The following ANKS3 variants were observed in gnomAD, a reference collection of about 807,000 sequenced individuals.
The protein encoded by ANKS3 is ankyrin repeat and SAM domain-containing protein 3.
A neutral mutation model predicts 80.7 loss-of-function variants in ANKS3; 62 were observed. The ratio of observed to expected loss-of-function variants is 0.77; its 90% CI spans 0.63 to 0.95. The LOEUF is 0.95. Among genes scored for constraint, ANKS3 ranks in the 40% least tolerant of loss-of-function variants. The pLI, the probability that ANKS3 is intolerant of heterozygous loss-of-function variation, is 0.00. For synonymous variants in ANKS3, 489 were observed against 355.3 expected (o/e 1.38, Z -4.23); for missense variants, 1,150 against 883.6 (o/e 1.30, Z -3.82).
chr16:4,714,620 A>G (rs2080683735), intron 6 of ANKS3, among the ~76,000 whole-genome samples: 1 of 152,272 alleles, frequency 6.6e-6, no homozygotes, highest in Admixed American at 6.5e-5. Flanking sequence ...ATGTATTTAC[A>G]GGTCTTGCAG....
intron 9 of ANKS3, chr16:4,701,864 T>A (rs1185740994): frequency 1.4e-5 from 7 of 513,552 alleles, no homozygotes; most frequent in Admixed American, 3.7e-5. Context: ...CCTCAGGGGC[T>A]CCCAAGCAAG....
At chr16:4,709,435 GA>G (rs2080371839) in intron 7 of ANKS3, among the ~76,000 whole-genome samples, 1 of 151,040 alleles carries the variant, frequency 6.6e-6, no homozygotes, top group Non-Finnish European at 1.5e-5. Flanking sequence ...AAAAATATAA[GA>G]AATGAGATCC....
chr16:4,706,460 C>A (rs765446111), intron 7 of ANKS3, among the ~76,000 whole-genome samples: 3 of 152,162 alleles, frequency 2.0e-5, no homozygotes, highest in Admixed American at 6.5e-5. Flanking sequence ...TGGTCTCGAT[C>A]TCCTGACCTT....
At chr16:4,713,029 G>T (rs560156335) in intron 7 of ANKS3, among the ~76,000 whole-genome samples, 12 of 152,266 alleles carry the variant, frequency 7.9e-5, no homozygotes, top group African/African-American at 2.9e-4. Context: ...CAGCACTTTG[G>T]GAGGCTGAGA....
chr16:4,708,457 A>G (rs994918382), intron 7 of ANKS3, among the ~76,000 whole-genome samples: 1 of 152,218 alleles, frequency 6.6e-6, no homozygotes, highest in African/African-American at 2.4e-5. Flanking sequence ...ATTTAGCAAC[A>G]AAAGGGCAAC....
At chr16:4,721,637 T>A (rs562237281) in intron 6 of ANKS3, among the ~76,000 whole-genome samples, 1 of 149,762 alleles carries the variant, frequency 6.7e-6, no homozygotes, top group Non-Finnish European at 1.5e-5. Context: ...TTTATTTATT[T>A]ATTTATTTAT....
chr16:4,732,573 T>G (rs2081682327), intron 1 of ANKS3, among the ~76,000 whole-genome samples: 1 of 149,342 alleles, frequency 6.7e-6, no homozygotes, highest in African/African-American at 2.5e-5. Flanking sequence ...GTCTCAGTAC[T>G]CAGGAGGCTG....
chr16:4,717,382 G>A (rs1403276715), intron 6 of ANKS3: 1 of 152,182 alleles, frequency 6.6e-6, no homozygotes, highest in Admixed American at 6.6e-5. Flanking sequence ...CTGGTCAGGA[G>A]TTTGAGACCA....
chr16:4,710,784 TA>T (rs2080443340), intron 7 of ANKS3, among the ~76,000 whole-genome samples: 1 of 152,160 alleles, frequency 6.6e-6, no homozygotes, highest in Non-Finnish European at 1.5e-5. Flanking sequence ...CAGAGTATTT[TA>T]TTTTGTTTTA....
intron 11 of ANKS3, chr16:4,699,996 T>C (rs2079810801): frequency 6.6e-6 from 1 of 152,458 alleles, no homozygotes; most frequent in Non-Finnish European, 1.5e-5. Context: ...CAGACTCCAC[T>C]CAACGTATGT....
intron 1 of ANKS3, among the ~76,000 whole-genome samples, chr16:4,732,814 C>G (rs2081717916): frequency 1.3e-5 from 2 of 151,674 alleles, no homozygotes; most frequent in African/African-American, 2.4e-5. Flanking sequence ...TCTGAAAATG[C>G]TAAGTATCTG....
chr16:4,730,077 C>T lies in ANKS3; in HGVS notation c.73G>A (p.Gly25Arg), dbSNP rs761059076. Residue 25 changes from glycine to arginine, a missense_variant, in exon 3 of 18, where the codon GGG (glycine) becomes AGG (arginine). Gly to Arg is a moderately radical substitution (Grantham distance 125). Transcript: ENST00000304283. Reference protein sequence around the residue: ...NRSLSMWHGLGTQVSGEELDV... With the variant: ...NRSLSMWHGLRTQVSGEELDV... ...AGCTCCTCCCCGCTGACCTGTGTCC[C>T]GAGCCCGTGCCACATGGACAAGCTG... The T allele has an allele frequency of 5.0e-6, 8 of 1,594,228 alleles. No homozygotes were observed. In the South Asian group the frequency reaches 5.6e-5, roughly 11 times the overall value.
chr16:4,713,287 T>G (rs116841919), intron 7 of ANKS3, among the ~76,000 whole-genome samples: 1,944 of 151,976 alleles, frequency 0.013, 21 homozygotes, highest in Non-Finnish European at 0.021. Flanking sequence ...AAACAAAAGT[T>G]TGCAGAAATC....
chr16:4,715,381 A>G (rs1359634550), intron 6 of ANKS3, among the ~76,000 whole-genome samples: 1 of 152,200 alleles, frequency 6.6e-6, no homozygotes, highest in Admixed American at 6.5e-5. Flanking sequence ...GGAGGCAGGG[A>G]AGCCAGAGCC....
At chr16:4,715,482 G>A (rs1297933966) in intron 6 of ANKS3, among the ~76,000 whole-genome samples, 2 of 152,168 alleles carry the variant, frequency 1.3e-5, no homozygotes, top group Non-Finnish European at 2.9e-5. Flanking sequence ...TGTAGTCCCA[G>A]CTACTCAGGA....
chr16:4,724,826 G>T lies in ANKS3; in HGVS notation c.497C>A (p.Pro166Gln). 6.2e-7 allele frequency: 1 copy of T among 1,613,820 alleles called. No individual in the cohort carries two copies. Among genetic ancestry groups the T allele is most frequent in the Non-Finnish European group, 8.5e-7 (1 of 1,179,890 alleles). The change falls in exon 6 of 18, where the codon CCG becomes CAG. Residue 166 changes from proline (P) to glutamine (Q), a missense_variant. By Grantham distance (76) the Pro-to-Gln change is moderately conservative (BLOSUM62 -1). Transcript: ENST00000304283. Reference sequence around the variant, plus strand: ...CATCAAGGGAGTAAATCCACATATCGGCTCCCTGCAAGATGTGGGCCACAG... The same window carrying T: ...CATCAAGGGAGTAAATCCACATATCTGCTCCCTGCAAGATGTGGGCCACAG... ...DSGANANVRE[P>Q]ICGFTPLMEA...
chr16:4,698,282 G>T, intron 14 of ANKS3, 145 bp downstream of exon 14: 1 of 1,248,198 alleles, frequency 8.0e-7, no homozygotes, highest in African/African-American at 1.5e-5. Flanking sequence ...AGGAAGGAAG[G>T]GCCTGATGAA....
At chr16:4,717,888 C>T (rs902999515) in intron 6 of ANKS3, among the ~76,000 whole-genome samples, 8 of 152,072 alleles carry the variant, frequency 5.3e-5, no homozygotes, top group South Asian at 4.2e-4. Context: ...CTCTGCCTTC[C>T]GGGTTCAAGT....
rs764814716 is a variant in ANKS3, at chr16:4,701,429, C to T, written c.1119+5G>A. On this transcript the variant is annotated splice_donor_5th_base_variant and intron_variant, in intron 10 of 17. Coordinates refer to ENST00000304283, the MANE Select transcript of ANKS3 (RefSeq NM_133450.4). ...ATGGGAGACCAAGAAAGAAAGAATC[C>T]GTACCTCGTTGCTCTCCACAGAAGC... 13 of 1,590,138 alleles carry T rather than the reference C, an allele frequency of 8.2e-6. No homozygotes were observed. Among genetic ancestry groups the T allele is most frequent in the African/African-American group, 5.4e-5 (4 of 74,008 alleles).
Sources: gnomAD v4.1 joint callset for allele counts (sites outside exome capture counted in the v4.1 genomes callset) on GRCh38, gnomAD v4.1.1 for gene constraint, MANE v1.5 for transcripts, NCBI Gene and HGNC (gene_info 2026-07-23, HGNC 2026-07-21) for gene names.